TSPEAR: variants seen among roughly 807,000 people sequenced by gnomAD.
The protein encoded by TSPEAR is thrombospondin-type laminin G domain and EAR repeat-containing protein.
TSPEAR carries 69 observed loss-of-function variants against 71.6 expected under a neutral mutation model. The ratio of observed to expected loss-of-function variants is 0.96; its 90% CI spans 0.79 to 1.18. The LOEUF (loss-of-function observed/expected upper bound fraction) is 1.18. Among genes scored for constraint, TSPEAR ranks in the 50% most tolerant of loss-of-function variants. The pLI is 0.00. For missense variants in TSPEAR, 971 were observed against 894.9 expected, an observed-to-expected ratio of 1.09 and a Z score of -1.09; for synonymous variants, 402 against 387.2, an observed-to-expected ratio of 1.04 and a Z score of -0.45.
At chr21:44,586,519 C>T (rs1407687394) in intron 1 of TSPEAR, among the ~76,000 whole-genome samples, 1 of 152,124 alleles carries the variant, frequency 6.6e-6, no homozygotes, top group Non-Finnish European at 1.5e-5. Context: ...AGGACATAAT[C>T]CATTTGTTTT....
At chr21:44,549,770 C>T (rs587749711) in intron 2 of TSPEAR, among the ~76,000 whole-genome samples, 2 of 152,396 alleles carry the variant, frequency 1.3e-5, no homozygotes, top group African/African-American at 2.4e-5. Flanking sequence ...TCCTGCACTT[C>T]CTCTGCCATT....
At position 44,658,181 on chromosome 21, in the gene TSPEAR, C is replaced by T. The variant is rs1555942943; in HGVS notation, c.82+53252G>A. 3.1e-6 allele frequency: 5 copies of T among 1,614,062 alleles called. No individual in the cohort carries two copies. In the Admixed American group the frequency reaches 8.3e-5, roughly 27 times the overall value. Reference sequence around the variant, plus strand: ...CTGCAGGCCCATCATATATGTGACTCCCTCTTGCCAATCTTCGGGGTGCTG... The same window carrying T: ...CTGCAGGCCCATCATATATGTGACTTCCTCTTGCCAATCTTCGGGGTGCTG... On this transcript the variant is annotated intron_variant, in intron 1 of 11. Transcript: ENST00000323084.
chr21:44,514,267 GCAC>G (rs2052487972), intron 9 of TSPEAR, among the ~76,000 whole-genome samples: 1 of 152,214 alleles, frequency 6.6e-6, no homozygotes, highest in Non-Finnish European at 1.5e-5. Context: ...GTTTTTCTAA[GCAC>G]CACATGGCTG....
intron 1 of TSPEAR, among the ~76,000 whole-genome samples, chr21:44,692,107 C>T (rs1987147588): frequency 6.6e-6 from 1 of 152,072 alleles, no homozygotes; most frequent in South Asian, 2.1e-4. Flanking sequence ...TGAAAAAACC[C>T]ACATGATCTC....
At chr21:44,684,728 G>C (rs1555948681) in intron 1 of TSPEAR, among the ~76,000 whole-genome samples, 1 of 152,240 alleles carries the variant, frequency 6.6e-6, no homozygotes, top group African/African-American at 2.4e-5. Context: ...GCTTTAGGTT[G>C]ACTAGGACGA....
chr21:44,539,624 G>C, intron 2 of TSPEAR: 1 of 1,613,794 alleles, frequency 6.2e-7, no homozygotes, highest in African/African-American at 1.3e-5. Flanking sequence ...GCAGGGGGAG[G>C]AGGTGCAGCA....
chr21:44,599,125 G>A (rs1006100170), intron 1 of TSPEAR, among the ~76,000 whole-genome samples: 10 of 34,784 alleles, frequency 2.9e-4, no homozygotes, highest in Non-Finnish European at 1.1e-3. Flanking sequence ...GGAAGCAGAG[G>A]CCCCCATTTT....
chr21:44,607,624 T>G (rs1981397296), intron 1 of TSPEAR, among the ~76,000 whole-genome samples: 1 of 152,214 alleles, frequency 6.6e-6, no homozygotes, highest in African/African-American at 2.4e-5. Flanking sequence ...TTTACTACAA[T>G]TAAGAGCGTC....
intron 2 of TSPEAR, chr21:44,550,363 C>T (rs587623595): frequency 5.5e-4 from 270 of 487,142 alleles, no homozygotes; most frequent in African/African-American, 4.8e-3. Context: ...CAGCTGGGGC[C>T]GCAGACGCTT....
intron 1 of TSPEAR, among the ~76,000 whole-genome samples, chr21:44,707,979 C>T (rs1423095877): frequency 2.7e-5 from 4 of 148,764 alleles, no homozygotes; most frequent in African/African-American, 7.5e-5. Context: ...CTGTGCCCCC[C>T]GATTCCCCCC....
chr21:44,580,081 G>A, intron 1 of TSPEAR: 2 of 1,613,778 alleles, frequency 1.2e-6, no homozygotes, highest in Non-Finnish European at 8.5e-7. Flanking sequence ...GCTGGCAGGG[G>A]GAGGAGGTGC....
intron 2 of TSPEAR, among the ~76,000 whole-genome samples, chr21:44,560,518 C>A (rs148783297): frequency 2.0e-5 from 3 of 152,204 alleles, no homozygotes; most frequent in Non-Finnish European, 4.4e-5. Flanking sequence ...CACCCCAAAT[C>A]AACAGAAGAT....
intron 1 of TSPEAR, among the ~76,000 whole-genome samples, chr21:44,641,473 A>G (rs1200568726): frequency 3.9e-5 from 6 of 152,194 alleles, no homozygotes; most frequent in Admixed American, 3.9e-4. Context: ...AAGGACAGAG[A>G]TAAAGCCAAG....
intron 1 of TSPEAR, among the ~76,000 whole-genome samples, chr21:44,611,155 G>A (rs1417639082): frequency 6.6e-6 from 1 of 152,106 alleles, no homozygotes; most frequent in Non-Finnish European, 1.5e-5. Context: ...AGGCATGACT[G>A]GTTTTGAAAT....
intron 1 of TSPEAR, among the ~76,000 whole-genome samples, chr21:44,619,931 G>A (rs587641028): frequency 6.6e-6 from 1 of 152,346 alleles, no homozygotes; most frequent in South Asian, 2.1e-4. Context: ...CCAGTTGGAG[G>A]GGAGACAGTG....
chr21:44,655,595 G>A (rs1326759478), intron 1 of TSPEAR, among the ~76,000 whole-genome samples: 1 of 152,222 alleles, frequency 6.6e-6, no homozygotes, highest in Non-Finnish European at 1.5e-5. Flanking sequence ...CCCTCGCTGT[G>A]GGTCTGATCA....
intron 1 of TSPEAR, among the ~76,000 whole-genome samples, chr21:44,615,436 C>T (rs375450047): frequency 3.9e-5 from 6 of 152,058 alleles, no homozygotes; most frequent in Non-Finnish European, 5.9e-5. Context: ...CACCTCTCAG[C>T]GGATTTTCCA....
chr21:44,681,668 C>A lies in TSPEAR; in HGVS notation c.82+29765G>T, dbSNP rs1431403391. 6 of 962,364 alleles carry A rather than the reference C, an allele frequency of 6.2e-6. No homozygotes were observed. In the African/African-American group the frequency reaches 8.2e-5, roughly 13 times the overall value. The allele number at this position is 962,364 out of a possible 1,614,324, so 59.6% of individuals were successfully genotyped here. A position where few individuals can be genotyped will look rare whatever the true frequency, so the allele number is the denominator to read the frequency against. ...CCCTGGGGGGATAGGCAAGTTCAGC[C>A]AGGGCTCCAGATCATTCTATTATAT... On this transcript the variant is annotated intron_variant, in intron 1 of 11. Transcript: ENST00000323084.
At chr21:44,672,964 A>T (rs1425583795) in intron 1 of TSPEAR, among the ~76,000 whole-genome samples, 1 of 152,250 alleles carries the variant, frequency 6.6e-6, no homozygotes, top group Non-Finnish European at 1.5e-5. Flanking sequence ...TACAGCCTGC[A>T]GAACCATGAG....
Sources: allele counts gnomAD v4.1 joint callset (sites outside exome capture counted in the v4.1 genomes callset), GRCh38; gene constraint gnomAD v4.1.1; transcripts MANE v1.5; gene names NCBI Gene and HGNC (gene_info 2026-07-23, HGNC 2026-07-21).